Variants in BANK1 observed in about 807,000 individuals in gnomAD.
BANK1 encodes the protein B cell scaffold protein with ankyrin repeats 1.
Under a neutral mutation model 94.5 loss-of-function variants are expected in BANK1, and 95 were observed. That is an observed-to-expected ratio of 1.00 (90% CI 0.85 to 1.19). The LOEUF (loss-of-function observed/expected upper bound fraction) is 1.19. Among genes scored for constraint, BANK1 ranks in the 50% most tolerant of loss-of-function variants. The pLI is 0.00. For missense variants in BANK1, 987 were observed against 932.2 expected (o/e 1.06, Z -0.77); for synonymous variants, 334 against 308.4 (o/e 1.08, Z -0.87).
intron 14 of BANK1, 114 bp from the exon 15 acceptor site, chr4:102,072,231 T>C (rs1034516480): frequency 1.0e-5 from 9 of 869,696 alleles, no homozygotes; most frequent in Non-Finnish European, 1.6e-5. Flanking sequence ...CCTAATAATT[T>C]TTCTTTTCAC....
chr4:101,949,600 G>A (rs1724061431), intron 7 of BANK1, among the ~76,000 whole-genome samples: 1 of 152,072 alleles, frequency 6.6e-6, no homozygotes, highest in Non-Finnish European at 1.5e-5. Context: ...ATTTTATTGT[G>A]TATGTAAATA....
chr4:102,041,547 A>T (rs1727701300), intron 10 of BANK1, among the ~76,000 whole-genome samples: 1 of 152,056 alleles, frequency 6.6e-6, no homozygotes, highest in Admixed American at 6.6e-5. Flanking sequence ...GGGAACCTAG[A>T]GGTATGGGTG....
chr4:101,952,671 CA>C (rs1228596131), intron 7 of BANK1, among the ~76,000 whole-genome samples: 3 of 152,054 alleles, frequency 2.0e-5, no homozygotes, highest in Non-Finnish European at 4.4e-5. Flanking sequence ...AAGCATTTGT[CA>C]AATAAATCAA....
chr4:101,917,868 T>C (rs138781701), intron 6 of BANK1, 125 bp from the exon 7 acceptor site: 198 of 549,742 alleles, frequency 3.6e-4, no homozygotes, highest in African/African-American at 2.7e-3. Flanking sequence ...CTATTGATAG[T>C]TTCTTACACA....
intron 7 of BANK1, among the ~76,000 whole-genome samples, chr4:101,933,013 C>G (rs749905627): frequency 6.6e-6 from 1 of 151,408 alleles, no homozygotes; most frequent in South Asian, 2.1e-4. Context: ...ACCATATTAT[C>G]ACCCGGAAAA....
At chr4:101,825,020 G>A (rs1032599247) in intron 1 of BANK1, among the ~76,000 whole-genome samples, 4 of 152,086 alleles carry the variant, frequency 2.6e-5, no homozygotes, top group African/African-American at 7.2e-5. Flanking sequence ...GAATCTGAAA[G>A]AATATAGTAA....
intron 1 of BANK1, among the ~76,000 whole-genome samples, chr4:101,810,425 C>T (rs189418129): frequency 3.6e-4 from 55 of 152,152 alleles, no homozygotes; most frequent in East Asian, 1.9e-3. Flanking sequence ...TAGGACCTTC[C>T]GCATCAGGCA....
intron 5 of BANK1, among the ~76,000 whole-genome samples, chr4:101,876,797 G>C (rs530249913): frequency 6.6e-6 from 1 of 152,210 alleles, no homozygotes; most frequent in Non-Finnish European, 1.5e-5. Context: ...AGAAATTCAA[G>C]GAACACAGAG....
At chr4:102,018,819 C>CTTTTTTTTT (rs200697538) in intron 7 of BANK1, among the ~76,000 whole-genome samples, 5 of 141,106 alleles carry the variant, frequency 3.5e-5, no homozygotes, top group Admixed American at 2.2e-4. Context: ...TTCTTTCTTT[C>CTTTTTTTTT]CTTTTTTTTT....
chr4:102,064,861 T>C (rs1728538510), intron 13 of BANK1, among the ~76,000 whole-genome samples: 1 of 152,198 alleles, frequency 6.6e-6, no homozygotes, highest in African/African-American at 2.4e-5. Flanking sequence ...AGAAGTTCTG[T>C]TGAACTGAGA....
At chr4:101,989,720 CTG>C (rs1560670538) in intron 7 of BANK1, among the ~76,000 whole-genome samples, 1 of 151,930 alleles carries the variant, frequency 6.6e-6, no homozygotes, top group East Asian at 1.9e-4. Context: ...CCATTTGGGG[CTG>C]TCTGACATTT....
chr4:102,030,048 A>T lies in BANK1; in HGVS notation c.1683A>T (p.Glu561Asp). Residue 561 changes from glutamate to aspartate, a missense_variant, in exon 10 of 17, where the codon GAA becomes GAT. Physicochemically the swap from Glu to Asp is conservative, Grantham distance 45 (BLOSUM62 2). Transcript: ENST00000322953. ...AAACAGGAGATGAACCCAAAGGAGA[A>T]AAAGAGAAGAAAGAAGAGGAAAAAG... ...RQETGDEPKG[E>D]KEKKEEEKEQ... The T allele has an allele frequency of 6.2e-7, 1 of 1,613,954 alleles. No homozygotes were observed.
intron 2 of BANK1, among the ~76,000 whole-genome samples, chr4:101,853,235 A>C (rs1170550603): frequency 3.3e-5 from 5 of 152,224 alleles, no homozygotes; most frequent in Non-Finnish European, 7.3e-5. Context: ...AGAAGAAAAC[A>C]AGAAAACTTT....
chr4:101,860,203 G>A (rs1199732949), intron 3 of BANK1, among the ~76,000 whole-genome samples: 2 of 152,146 alleles, frequency 1.3e-5, no homozygotes, highest in African/African-American at 2.4e-5. Flanking sequence ...AAAGTACCAT[G>A]TTCAAATTAT....
chr4:101,917,871 C>G, intron 6 of BANK1, 122 bp from the exon 7 acceptor site: 1 of 567,006 alleles, frequency 1.8e-6, no homozygotes, highest in Non-Finnish European at 3.0e-6. Context: ...TTGATAGTTT[C>G]TTACACAAAA....
chr4:101,993,487 G>A (rs1560672882), intron 7 of BANK1, among the ~76,000 whole-genome samples: 2 of 152,186 alleles, frequency 1.3e-5, no homozygotes, highest in Non-Finnish European at 2.9e-5. Context: ...CTGGGGCGTG[G>A]AGGTATACAG....
At chr4:102,050,162 T>A (rs1727999330) in intron 11 of BANK1, among the ~76,000 whole-genome samples, 1 of 152,204 alleles carries the variant, frequency 6.6e-6, no homozygotes. Context: ...TTTAATAAAC[T>A]TTCAATACTA....
chr4:102,023,885 T>C (rs938501317), intron 8 of BANK1, among the ~76,000 whole-genome samples: 1 of 152,210 alleles, frequency 6.6e-6, no homozygotes, highest in Admixed American at 6.5e-5. Flanking sequence ...ATCCATTCCA[T>C]CATCTACTCC....
chr4:101,874,420 G>A (rs1201583945), intron 5 of BANK1, among the ~76,000 whole-genome samples: 2 of 152,038 alleles, frequency 1.3e-5, no homozygotes, highest in Non-Finnish European at 2.9e-5. Context: ...GAGAGATACT[G>A]GGAAGTCTCC....
Sources: allele counts gnomAD v4.1 joint callset (sites outside exome capture counted in the v4.1 genomes callset), GRCh38; gene constraint gnomAD v4.1.1; transcripts MANE v1.5; gene names NCBI Gene and HGNC (gene_info 2026-07-23, HGNC 2026-07-21).